Variants in SRP72 observed in about 807,000 individuals in gnomAD.
The protein encoded by SRP72 is signal recognition particle 72, also known as signal recognition particle subunit SRP72.
Under a neutral mutation model 96.3 loss-of-function variants are expected in SRP72, and 49 were observed. The observed-to-expected ratio is 0.51, with a 90% CI of 0.40 to 0.65. The LOEUF is 0.65. SRP72 is among the 30% of genes least tolerant of loss of function. The probability of loss-of-function intolerance (pLI) is 0.00; values close to 1 mark genes in which losing one functional copy is unlikely to be tolerated. For missense variants in SRP72, 736 were observed against 793.3 expected (o/e 0.93, Z 0.87); for synonymous variants, 267 against 275.2 (o/e 0.97, Z 0.30).
intron 5 of SRP72, 68 bp from the exon 6 acceptor site, chr4:56,476,603 C>T (rs779215745): frequency 7.8e-6 from 12 of 1,535,996 alleles, no homozygotes; most frequent in Admixed American, 3.4e-5. Flanking sequence ...AGATCTTGCT[C>T]TTTGGAATAG....
chr4:56,481,353 T>C (rs1356921432), intron 8 of SRP72, among the ~76,000 whole-genome samples: 1 of 152,200 alleles, frequency 6.6e-6, no homozygotes, highest in Non-Finnish European at 1.5e-5. Flanking sequence ...GTGCACAAAG[T>C]AGATACTCAC....
rs1382728608 is a variant in SRP72 at position 56,469,634 on chromosome 4, T to G, written c.110-19T>G. 18 of 1,534,222 alleles carry G rather than the reference T, an allele frequency of 1.2e-5. No homozygotes were observed. Among genetic ancestry groups the G allele is most frequent in the Non-Finnish European group, 1.6e-5 (18 of 1,127,128 alleles). On this transcript the variant is annotated intron_variant, in intron 1 of 18. Coordinates refer to ENST00000642900, the MANE Select transcript of SRP72 (RefSeq NM_006947.4). ...AGGAAATGGATTTAAAAATGACTTTTCCTAAAATTGTTCTCTAGTACTACA... is the reference window on the plus strand; with the variant it reads ...AGGAAATGGATTTAAAAATGACTTTGCCTAAAATTGTTCTCTAGTACTACA...
At position 56,474,169 on chromosome 4, in the gene SRP72, C is replaced by T; in HGVS notation, c.470C>T (p.Ala157Val). 1 of 1,614,182 alleles carries T rather than the reference C, an allele frequency of 6.2e-7. No homozygotes were observed. Among genetic ancestry groups the T allele is most frequent in the South Asian group, 1.1e-5 (1 of 91,076 alleles). The change falls in exon 4 of 19, where the codon GCT becomes GTT. Residue 157 changes from alanine (A) to valine (V), a missense_variant. Coordinates refer to ENST00000642900, the MANE Select transcript of SRP72 (RefSeq NM_006947.4). ...ACAAACCTTTCAGCAGTTGTTGCAG[C>T]TCAAAGCAATTGGGAAAAAGTGGTT... is the stretch of plus-strand genomic sequence containing the variant. ...RKTNLSAVVA[A>V]QSNWEKVVPE... is the part of the protein sequence containing the mutation.
At chr4:56,499,065 A>G (rs1724600353) in intron 17 of SRP72, among the ~76,000 whole-genome samples, 1 of 152,248 alleles carries the variant, frequency 6.6e-6, no homozygotes, top group South Asian at 2.1e-4. Flanking sequence ...GTACCAAAAC[A>G]GATCTGTAGA....
Position 56,491,678 on chromosome 4 carries a change from TC to T in SRP72, c.1640+112del. The T allele has an allele frequency of 4.4e-6, 5 of 1,126,750 alleles. No individual in the cohort carries two copies. In the South Asian group the frequency reaches 8.5e-5, roughly 19 times the overall value. 69.8% of individuals were successfully genotyped at this position (1,126,750 alleles called of 1,614,324 possible). ...TGAATAAAGTTCTAGTTCTCTTTGT[TC>T]CTTTTCCATTTCTCTCACTGTGCCC... On this transcript the variant is annotated intron_variant, in intron 16 of 18. Coordinates refer to ENST00000642900, the MANE Select transcript of SRP72 (RefSeq NM_006947.4).
At chr4:56,499,426 A>G (rs1721184224) in intron 17 of SRP72, among the ~76,000 whole-genome samples, 1 of 152,242 alleles carries the variant, frequency 6.6e-6, no homozygotes, top group Non-Finnish European at 1.5e-5. Context: ...AGAAGCTATC[A>G]TCAGAGTAAA....
At chr4:56,469,830 A>G (rs1444385155) in intron 2 of SRP72, 57 bp downstream of exon 2, 50 of 1,442,430 alleles carry the variant, frequency 3.5e-5, no homozygotes, top group Non-Finnish European at 4.5e-5. Context: ...TATAGCTATA[A>G]TCTCTTCCAT....
chr4:56,477,924 C>T (rs1257864880), intron 6 of SRP72, among the ~76,000 whole-genome samples: 1 of 152,022 alleles, frequency 6.6e-6, no homozygotes, highest in Non-Finnish European at 1.5e-5. Context: ...TTGGAATTTT[C>T]TAGTTTTTGA....
chr4:56,497,829 G>A (rs953254487), intron 17 of SRP72, among the ~76,000 whole-genome samples: 3 of 152,114 alleles, frequency 2.0e-5, no homozygotes, highest in African/African-American at 7.2e-5. Context: ...TATAGTGTTG[G>A]TGAGTGCTTC....
rs562306930 is a variant in SRP72 at position 56,503,655 on chromosome 4, A to G, written c.*1794A>G. On this transcript the variant is annotated 3_prime_UTR_variant, in exon 19 of 19. Transcript: ENST00000642900. ...TCCATTCACTGTGGTACATTTTAAAATAAAATATTTTAGCAGTGAATATGG... is the reference window on the plus strand; with the variant it reads ...TCCATTCACTGTGGTACATTTTAAAGTAAAATATTTTAGCAGTGAATATGG... The G allele has an allele frequency of 2.0e-5, 3 of 152,342 alleles. No homozygotes were observed. In the South Asian group the frequency reaches 6.2e-4, roughly 32 times the overall value. The allele number at this position is 152,342 out of a possible 1,614,324, so 9.4% of individuals were successfully genotyped here.
Position 56,484,809 on chromosome 4 carries a change from A to T in SRP72, c.1031A>T (p.Gln344Leu). 6.2e-7 allele frequency: 1 copy of T among 1,614,180 alleles called. No homozygotes were observed. Among genetic ancestry groups the T allele is most frequent in the Non-Finnish European group, 8.5e-7 (1 of 1,180,040 alleles). Residue 344 changes from glutamine to leucine, a missense_variant, in exon 10 of 19, where the codon CAA (glutamine) becomes CTA (leucine). By Grantham distance (113) the Gln-to-Leu change is moderately radical. Around this residue, in one of 3 missense-constraint regions of SRP72, gnomAD observed 388 missense variants for 431.8 expected, o/e 0.90. Transcript: ENST00000642900. ...SPEHLLPVLI[Q>L]AAQLCREKQH... ...GAGCATCTCTTACCTGTGTTAATCC[A>T]AGCTGCCCAGCTCTGCCGTGAAAAG...
intron 16 of SRP72, among the ~76,000 whole-genome samples, chr4:56,492,984 T>C (rs1277356997): frequency 6.6e-6 from 1 of 152,144 alleles, no homozygotes; most frequent in East Asian, 1.9e-4. Context: ...GACCCCCATC[T>C]CTAAAAATAA....
intron 12 of SRP72, 153 bp from the exon 13 acceptor site, chr4:56,489,235 G>GTTAA: frequency 2.4e-6 from 1 of 425,144 alleles, no homozygotes; most frequent in Non-Finnish European, 4.2e-6. Flanking sequence ...TAGAAGTAAA[G>GTTAA]TTAACTATGT....
intron 10 of SRP72, 99 bp downstream of exon 10, chr4:56,484,963 CTAATCAGAA>C: frequency 7.1e-7 from 1 of 1,404,234 alleles, no homozygotes; most frequent in East Asian, 2.5e-5. Context: ...AATGGGAAAA[CTAATCAGAA>C]ATGTACCACT....
At chr4:56,488,791 A>T (rs1399825920) in intron 12 of SRP72, among the ~76,000 whole-genome samples, 2 of 151,920 alleles carry the variant, frequency 1.3e-5, no homozygotes, top group Non-Finnish European at 2.9e-5. Flanking sequence ...TTGGTTATTC[A>T]TGTATTTTTT....
intron 2 of SRP72, 131 bp downstream of exon 2, chr4:56,469,904 T>G: frequency 1.2e-6 from 1 of 846,056 alleles, no homozygotes; most frequent in Non-Finnish European, 1.7e-6. Context: ...TTCCCCCCTT[T>G]TGCTTGTCAA....
intron 5 of SRP72, 88 bp downstream of exon 5, chr4:56,474,479 A>T: frequency 8.9e-7 from 1 of 1,122,036 alleles, no homozygotes. Context: ...CTTCTGTGAA[A>T]TTATTAAATG....
intron 2 of SRP72, among the ~76,000 whole-genome samples, chr4:56,470,059 G>A (rs1719910370): frequency 6.9e-6 from 1 of 144,326 alleles, no homozygotes; most frequent in Non-Finnish European, 1.5e-5. Flanking sequence ...ATTATGAGTC[G>A]TTGGAGGATG....
chr4:56,478,345 A>G (rs1391630785), intron 6 of SRP72, 34 bp from the exon 7 acceptor site: 2 of 1,537,080 alleles, frequency 1.3e-6, no homozygotes, highest in Non-Finnish European at 1.7e-6. Flanking sequence ...TCAGTTTGGA[A>G]AATTTATATG....
Sources: allele counts gnomAD v4.1 joint callset (sites outside exome capture counted in the v4.1 genomes callset), GRCh38; gene constraint gnomAD v4.1.1; regional missense constraint gnomAD v4.1.1; transcripts MANE v1.5; gene names NCBI Gene and HGNC (gene_info 2026-07-23, HGNC 2026-07-21).